STX18: variants seen among roughly 807,000 people sequenced by gnomAD.
STX18 encodes syntaxin 18, also known as syntaxin-18.
A neutral mutation model predicts 50.1 loss-of-function variants in STX18; 40 were observed. That is an observed-to-expected ratio of 0.80 (90% CI 0.62 to 1.04). The LOEUF (loss-of-function observed/expected upper bound fraction) is 1.04. Among genes scored for constraint, STX18 ranks in the 50% least tolerant of loss-of-function variants. The pLI, the probability that STX18 is intolerant of heterozygous loss-of-function variation, is 0.00. For missense variants in STX18, 410 were observed against 415.8 expected (o/e 0.99, Z 0.12); for synonymous variants, 158 against 151.8 (o/e 1.04, Z -0.30).
chr4:4,494,086 T>C (rs915771176), intron 1 of STX18, among the ~76,000 whole-genome samples: 5 of 152,202 alleles, frequency 3.3e-5, no homozygotes, highest in African/African-American at 1.2e-4. Context: ...TCAGGTAAGC[T>C]AGGCCTACAA....
chr4:4,456,173 G>A (rs777037215), intron 5 of STX18, among the ~76,000 whole-genome samples: 6 of 151,868 alleles, frequency 4.0e-5, no homozygotes, highest in Non-Finnish European at 5.9e-5. Context: ...CCAGCTACTC[G>A]GAAGGCTAAA....
At chr4:4,506,371 T>C (rs959440505) in intron 1 of STX18, among the ~76,000 whole-genome samples, 4 of 152,246 alleles carry the variant, frequency 2.6e-5, no homozygotes, top group African/African-American at 4.8e-5. Flanking sequence ...AAGGAACTAT[T>C]GATACACACA....
chr4:4,505,046 A>C (rs1729635816), intron 1 of STX18, among the ~76,000 whole-genome samples: 1 of 152,164 alleles, frequency 6.6e-6, no homozygotes, highest in Non-Finnish European at 1.5e-5. Flanking sequence ...CATCACCCCC[A>C]AAATCCCATA....
At chr4:4,475,814 TC>T (rs1728148235) in intron 1 of STX18, among the ~76,000 whole-genome samples, 1 of 152,188 alleles carries the variant, frequency 6.6e-6, no homozygotes, top group Non-Finnish European at 1.5e-5. Context: ...AGATATGGGG[TC>T]TTGCTATGTT....
chr4:4,427,179 C>T (rs1319209014), intron 7 of STX18, among the ~76,000 whole-genome samples: 2 of 152,186 alleles, frequency 1.3e-5, no homozygotes, highest in Non-Finnish European at 2.9e-5. Flanking sequence ...TCGGCCCCGG[C>T]TACTCAAAAC....
At position 4,464,902 on chromosome 4, in the gene STX18, G is replaced by T. The variant is rs536574285; in HGVS notation, c.237-5415C>A. ...CTGGATTCATTGATTTTTTCGAAGC[G>T]TTTTTTTTTTTGTGTGTGTCTCTAT... On this transcript the variant is annotated intron_variant, in intron 2 of 10. Transcript: ENST00000306200. Among the ~76,000 whole-genome samples the T allele has an allele frequency of 3.0e-3, 427 of 144,238 alleles. 3 individuals carry two copies. Among genetic ancestry groups the T allele is most frequent in the African/African-American group, 9.8e-3 (390 of 39,686 alleles). The allele number at this position is 144,238 out of a possible 152,430, so 94.6% of individuals were successfully genotyped here.
chr4:4,467,103 A>G (rs1181980883), intron 2 of STX18, among the ~76,000 whole-genome samples: 1 of 152,084 alleles, frequency 6.6e-6, no homozygotes, highest in Non-Finnish European at 1.5e-5. Flanking sequence ...TCTAACATCA[A>G]TCTTAGGTTT....
chr4:4,430,082 C>G (rs1195380144), intron 7 of STX18, among the ~76,000 whole-genome samples: 1 of 152,196 alleles, frequency 6.6e-6, no homozygotes, highest in Non-Finnish European at 1.5e-5. Flanking sequence ...CACCTGCAAA[C>G]TCAAAGGCAT....
At chr4:4,520,141 C>CTG (rs1398925315) in intron 1 of STX18, among the ~76,000 whole-genome samples, 1 of 152,164 alleles carries the variant, frequency 6.6e-6, no homozygotes, top group Non-Finnish European at 1.5e-5. Flanking sequence ...TAGTACAAAC[C>CTG]TTAACAGATA....
At chr4:4,441,458 C>A (rs934065925) in intron 5 of STX18, among the ~76,000 whole-genome samples, 1 of 152,102 alleles carries the variant, frequency 6.6e-6, no homozygotes, top group African/African-American at 2.4e-5. Context: ...TGATAATGTA[C>A]CTCATTTACA....
At chr4:4,435,454 G>T (rs1056813384) in intron 6 of STX18, among the ~76,000 whole-genome samples, 1 of 152,290 alleles carries the variant, frequency 6.6e-6, no homozygotes, top group African/African-American at 2.4e-5. Flanking sequence ...AGTTTTGTGT[G>T]TATGGCGGCT....
intron 5 of STX18, among the ~76,000 whole-genome samples, chr4:4,456,887 C>T (rs910395944): frequency 5.9e-5 from 9 of 152,156 alleles, no homozygotes; most frequent in African/African-American, 1.9e-4. Flanking sequence ...AGGCTCAAAC[C>T]CCAGCTATGC....
intron 1 of STX18, among the ~76,000 whole-genome samples, chr4:4,490,653 G>A (rs1187840497): frequency 6.6e-6 from 1 of 151,944 alleles, no homozygotes; most frequent in Non-Finnish European, 1.5e-5. Flanking sequence ...ATTGGAAAAG[G>A]GCACAGAGGC....
At chr4:4,428,287 C>G (rs939090084) in intron 7 of STX18, among the ~76,000 whole-genome samples, 1 of 152,230 alleles carries the variant, frequency 6.6e-6, no homozygotes, top group African/African-American at 2.4e-5. Context: ...TCTTTGGGGA[C>G]AGATGTGGTG....
chr4:4,482,893 A>G (rs1291927333), intron 1 of STX18, among the ~76,000 whole-genome samples: 1 of 152,248 alleles, frequency 6.6e-6, no homozygotes, highest in South Asian at 2.1e-4. Flanking sequence ...AAAAATAAAT[A>G]AGGCCATCTT....
At chr4:4,438,697 C>A (rs1445065700) in intron 5 of STX18, among the ~76,000 whole-genome samples, 188 bp from the exon 6 acceptor site, 5 of 152,038 alleles carry the variant, frequency 3.3e-5, no homozygotes, top group African/African-American at 9.7e-5. Flanking sequence ...GGCATTATTG[C>A]CTGCAGGGTA....
At chr4:4,451,103 C>T (rs1475825220) in intron 5 of STX18, among the ~76,000 whole-genome samples, 1 of 152,160 alleles carries the variant, frequency 6.6e-6, no homozygotes, top group African/African-American at 2.4e-5. Context: ...TTTAAAAAGC[C>T]ATCAGAAAGA....
chr4:4,456,130 A>T (rs1362268542), intron 5 of STX18, among the ~76,000 whole-genome samples: 1 of 152,080 alleles, frequency 6.6e-6, no homozygotes, highest in Non-Finnish European at 1.5e-5. Flanking sequence ...AAAATTAAAA[A>T]ATAGGCAGAC....
intron 1 of STX18, among the ~76,000 whole-genome samples, chr4:4,523,326 T>C (rs1730602039): frequency 6.6e-6 from 1 of 152,168 alleles, no homozygotes; most frequent in African/African-American, 2.4e-5. Context: ...CCCTCTTTTC[T>C]TCTGACTTGA....
Sources: gnomAD v4.1 joint callset for allele counts (sites outside exome capture counted in the v4.1 genomes callset) on GRCh38, gnomAD v4.1.1 for gene constraint, MANE v1.5 for transcripts, NCBI Gene and HGNC (gene_info 2026-07-23, HGNC 2026-07-21) for gene names.